The following GCNA variants were observed in gnomAD, a reference collection of about 807,000 sequenced individuals.
The protein encoded by GCNA is germ cell nuclear acidic peptidase.
GCNA carries 3 observed loss-of-function variants against 38.8 expected under a neutral mutation model. That is an observed-to-expected ratio of 0.08 (90% CI 0.04 to 0.20). The LOEUF is 0.20. Ranked by LOEUF, GCNA falls within the 10% of genes least tolerant of loss-of-function variation. GCNA has a pLI of 1.00. For missense variants in GCNA, 446 were observed against 578.6 expected (o/e 0.77, Z 2.35); for synonymous variants, 195 against 240.2 (o/e 0.81, Z 1.74).
chrX:71,601,111 C>T (rs1232334201), intron 7 of GCNA, among the ~76,000 whole-genome samples: 2 of 111,463 alleles, frequency 1.8e-5, no homozygotes, highest in Non-Finnish European at 3.8e-5. Flanking sequence ...TTGGGGAGTT[C>T]GAGGCAGGCG....
intron 2 of GCNA, 79 bp downstream of exon 2, chrX:71,580,959 AT>A (rs2147706112): frequency 1.0e-6 from 1 of 969,952 alleles, no homozygotes; most frequent in East Asian, 3.4e-5. Context: ...AAGTATGTTT[AT>A]TTCCTTTAGT....
chrX:71,580,923 C>T (rs1216765227), intron 2 of GCNA, 43 bp downstream of exon 2: 2 of 1,115,744 alleles, frequency 1.8e-6, no homozygotes, highest in South Asian at 2.0e-5. Context: ...TTAGTGTTAC[C>T]GTATTGGCAA....
At chrX:71,587,368 A>G (rs1203432054) in intron 2 of GCNA, among the ~76,000 whole-genome samples, 1 of 110,727 alleles carries the variant, frequency 9.0e-6, no homozygotes, top group East Asian at 2.8e-4. Context: ...ACCGAAATGC[A>G]TAATGCAAGA....
At chrX:71,598,293 G>C (rs1351294996) in intron 7 of GCNA, among the ~76,000 whole-genome samples, 2 of 111,651 alleles carry the variant, frequency 1.8e-5, no homozygotes. Context: ...TACCTGCCTA[G>C]AGCTATATCA....
chrX:71,583,839 A>G (rs182876357), intron 2 of GCNA, among the ~76,000 whole-genome samples: 2,715 of 107,089 alleles, frequency 0.025, 44 homozygotes, highest in Non-Finnish European at 0.034. Flanking sequence ...CTGGGATTAC[A>G]GGCGCATGCC....
At chrX:71,591,015 T>C (rs1395182891) in intron 2 of GCNA, among the ~76,000 whole-genome samples, 1 of 111,808 alleles carries the variant, frequency 8.9e-6, no homozygotes, top group Admixed American at 9.5e-5. Context: ...GAGCCTGGAC[T>C]TCCTTATAGC....
rs1449400014 is a variant in GCNA, at chrX:71,610,752, G to A, written c.1683G>A (p.Glu561=). The A allele has an allele frequency of 1.7e-6, 2 of 1,211,757 alleles. No homozygotes were observed. The highest frequency in any genetic ancestry group is 2.2e-6 in the Non-Finnish European group (2 of 895,564). The change falls in exon 11 of 13, where the codon GAG becomes GAA. Residue 561 remains glutamate, a synonymous_variant. Coordinates refer to ENST00000373696, the MANE Select transcript of GCNA (RefSeq NM_052957.5). ...CTGCTGGCTTATGCAGCACTGGTGA[G>A]ATGTGGTACCCAAAGTGGCGGCGCT... is the stretch of plus-strand genomic sequence containing the variant. The part of the protein sequence containing the change: ...VKTAGLCSTG[E]MWYPKWRRFA...
At chrX:71,610,627 AC>A in intron 10 of GCNA, 53 bp from the exon 11 acceptor site, 2 of 1,185,519 alleles carry the variant, frequency 1.7e-6, no homozygotes, top group Non-Finnish European at 2.3e-6. Context: ...AAACAAAAAA[AC>A]AAAAAAACCC....
In GCNA at chrX:71,605,748, C is replaced by G; in HGVS notation, c.1466+19C>G. 2 of 1,183,730 alleles carry G rather than the reference C, an allele frequency of 1.7e-6. No individual in the cohort carries two copies. The highest frequency in any genetic ancestry group is 2.3e-6 in the Non-Finnish European group (2 of 875,816). ...AGACTAGGTATGTACTGCTCGCATA[C>G]AGTTGAACAGGAATTTATTGCACAG... On this transcript the variant is annotated intron_variant, in intron 9 of 12. Coordinates refer to ENST00000373696, the MANE Select transcript of GCNA (RefSeq NM_052957.5).
intron 1 of GCNA, among the ~76,000 whole-genome samples, chrX:71,579,783 G>A (rs1300532639): frequency 3.7e-5 from 4 of 106,697 alleles, no homozygotes; most frequent in Non-Finnish European, 7.7e-5. Flanking sequence ...AGGTGCGAGT[G>A]TGGGGGAAGG....
At chrX:71,590,504 C>G (rs1463663748) in intron 2 of GCNA, among the ~76,000 whole-genome samples, 1 of 111,624 alleles carries the variant, frequency 9.0e-6, no homozygotes, top group Admixed American at 9.6e-5. Flanking sequence ...AGGTTTCTTT[C>G]CTGATTAAAG....
chrX:71,612,312 G>T, intron 11 of GCNA, 43 bp from the exon 12 acceptor site: 5 of 628,987 alleles, frequency 7.9e-6, no homozygotes, highest in Non-Finnish European at 1.2e-5. Context: ...AAAAAAAGAG[G>T]ATTGGTTTTA....
At chrX:71,610,246 T>TG (rs750981967) in intron 10 of GCNA, among the ~76,000 whole-genome samples, 6 of 112,179 alleles carry the variant, frequency 5.3e-5, no homozygotes, top group Admixed American at 2.8e-4. Flanking sequence ...GCCAAGAACC[T>TG]GGGGGAGAAG....
chrX:71,601,486 C>A (rs1346981116), intron 7 of GCNA, among the ~76,000 whole-genome samples: 2 of 111,676 alleles, frequency 1.8e-5, no homozygotes, highest in Non-Finnish European at 3.8e-5. Context: ...GAGCAGTACT[C>A]CATTGCTCCA....
intron 9 of GCNA, 122 bp from the exon 10 acceptor site, chrX:71,608,851 G>C: frequency 2.4e-6 from 2 of 836,188 alleles, no homozygotes; most frequent in Non-Finnish European, 3.3e-6. Context: ...GAAATGCCCT[G>C]ATCTAAGGAG....
At chrX:71,603,097 G>T (rs886444169) in intron 7 of GCNA, among the ~76,000 whole-genome samples, 6 of 111,735 alleles carry the variant, frequency 5.4e-5, no homozygotes, top group African/African-American at 2.0e-4. Flanking sequence ...TAGGTGTGTG[G>T]ATTTGTTTCT....
chrX:71,608,270 T>G (rs1398432423), intron 9 of GCNA, among the ~76,000 whole-genome samples: 1 of 110,200 alleles, frequency 9.1e-6, no homozygotes, highest in African/African-American at 3.4e-5. Context: ...AGAAAAGGAA[T>G]TTTATTTTGT....
chrX:71,602,507 G>T (rs1431665490), intron 7 of GCNA, among the ~76,000 whole-genome samples: 4 of 112,050 alleles, frequency 3.6e-5, no homozygotes, highest in African/African-American at 1.3e-4. Context: ...GTTTTGATTT[G>T]CATTTCTCTG....
intron 7 of GCNA, 97 bp downstream of exon 7, chrX:71,598,135 A>T (rs1336318018): frequency 1.6e-6 from 1 of 616,751 alleles, no homozygotes; most frequent in Non-Finnish European, 2.6e-6. Context: ...TTCTATTCAG[A>T]ATCCCTCAGT....
Sources: gnomAD v4.1 joint callset for allele counts (sites outside exome capture counted in the v4.1 genomes callset) on GRCh38, gnomAD v4.1.1 for gene constraint, MANE v1.5 for transcripts, NCBI Gene and HGNC (gene_info 2026-07-23, HGNC 2026-07-21) for gene names.